Variants in PALM2AKAP2 observed in about 807,000 individuals in gnomAD.
PALM2AKAP2 encodes the protein PALM2-AKAP2 fusion protein.
Under a neutral mutation model 71.5 loss-of-function variants are expected in PALM2AKAP2, and 37 were observed. The observed-to-expected ratio is 0.52, with a 90% CI of 0.40 to 0.68. The LOEUF (loss-of-function observed/expected upper bound fraction) is 0.68. Among genes scored for constraint, PALM2AKAP2 ranks in the 30% least tolerant of loss-of-function variants. The pLI is 0.00. For missense variants in PALM2AKAP2, 1,224 were observed against 1,191.8 expected (o/e 1.03, Z -0.40); for synonymous variants, 468 against 478.8 (o/e 0.98, Z 0.29).
chr9:109,789,352 G>C (rs912717385), intron 1 of PALM2AKAP2, among the ~76,000 whole-genome samples: 10 of 152,148 alleles, frequency 6.6e-5, no homozygotes, highest in African/African-American at 1.4e-4. Context: ...CTTCTCACGT[G>C]GGCAACTCCA....
chr9:110,076,492 C>CATATATAT (rs149836822), intron 1 of PALM2AKAP2, among the ~76,000 whole-genome samples: 4,516 of 106,698 alleles, frequency 0.042, 868 homozygotes, highest in African/African-American at 0.19. Flanking sequence ...ATATATTCTA[C>CATATATAT]ATATATATAT....
intron 6 of PALM2AKAP2, among the ~76,000 whole-genome samples, chr9:109,964,034 C>T (rs1564236235): frequency 6.6e-6 from 1 of 152,214 alleles, no homozygotes; most frequent in Non-Finnish European, 1.5e-5. Flanking sequence ...CAAGAACTCA[C>T]AATTTGAACT....
At chr9:109,780,515 A>G (rs1246856579) in exon 1 of PALM2AKAP2, 1 of 1,613,666 alleles carries the variant, frequency 6.2e-7, no homozygotes, top group Non-Finnish European at 8.5e-7. Context: ...TGCACAAGGA[A>G]AGGCTGCAAG....
chr9:110,136,098 C>A, intron 1 of PALM2AKAP2, 29 bp from the exon 8 acceptor site: 1 of 1,535,386 alleles, frequency 6.5e-7, no homozygotes, highest in Non-Finnish European at 8.7e-7. Context: ...CAGTATTTAA[C>A]CCTGACTTTT....
intron 1 of PALM2AKAP2, among the ~76,000 whole-genome samples, chr9:109,840,113 T>C (rs568536663): frequency 2.2e-4 from 33 of 152,332 alleles, no homozygotes; most frequent in African/African-American, 6.7e-4. Flanking sequence ...GACTTCAAAC[T>C]ATACTACAAG....
At chr9:109,668,319 T>C (rs73526943) in intron 1 of PALM2AKAP2, among the ~76,000 whole-genome samples, 10,008 of 152,290 alleles carry the variant, frequency 0.066, 787 homozygotes, top group African/African-American at 0.19. Context: ...CTAATCTGTT[T>C]ATAAAACTGT....
rs1382973379 is a variant in PALM2AKAP2, at chr9:109,996,477, C to T, written c.497-19477C>T. Among the ~76,000 whole-genome samples the T allele has an allele frequency of 2.0e-5, 3 of 152,354 alleles. No homozygotes were observed. The East Asian group carries it at 5.8e-4, about 29-fold the overall frequency. Reference sequence around the variant, plus strand: ...ACTGGCACAGGCTAGCCAAAACAAACCATTTCCAAAATTAGTTTGGGCCTC... The same window carrying T: ...ACTGGCACAGGCTAGCCAAAACAAATCATTTCCAAAATTAGTTTGGGCCTC... On this transcript the variant is annotated intron_variant, in intron 6 of 9. Transcript: ENST00000302798.
intron 7 of PALM2AKAP2, among the ~76,000 whole-genome samples, chr9:110,041,815 A>C (rs1461627150): frequency 2.0e-5 from 3 of 152,224 alleles, no homozygotes; most frequent in Non-Finnish European, 2.9e-5. Context: ...TGGTTCCCAA[A>C]TCAGGCTGTC....
rs1043245647 is a variant in PALM2AKAP2 at position 109,877,670 on chromosome 9, CA to C, written c.127-2879del. 3.9e-5 allele frequency among the ~76,000 whole-genome samples: 6 copies of C among 152,328 alleles called. No homozygotes were observed. The East Asian group carries it at 1.2e-3, about 29-fold the overall frequency. On this transcript the variant is annotated intron_variant, in intron 2 of 9. Transcript: ENST00000302798. ...CTATAAACTCCTTTAATCCTCATAA[CA>C]ACCCTCTGAGCTGGGCACTGCTATT...
chr9:109,644,511 T>C (rs1827120010), intron 1 of PALM2AKAP2, among the ~76,000 whole-genome samples: 1 of 152,236 alleles, frequency 6.6e-6, no homozygotes. Flanking sequence ...TGATTCTCTT[T>C]GTCTGATGAG....
At chr9:109,872,486 C>G (rs1476452734) in intron 2 of PALM2AKAP2, among the ~76,000 whole-genome samples, 1 of 152,040 alleles carries the variant, frequency 6.6e-6, no homozygotes, top group Non-Finnish European at 1.5e-5. Context: ...CAGAGTTGGC[C>G]CTGTCAGAAT....
chr9:109,771,499 C>A (rs1046361555), intron 1 of PALM2AKAP2, among the ~76,000 whole-genome samples: 2 of 152,154 alleles, frequency 1.3e-5, no homozygotes, highest in African/African-American at 2.4e-5. Flanking sequence ...GAGCCTAAAA[C>A]AAAGGAGAAC....
At chr9:110,088,668 T>A (rs1834627284) in intron 1 of PALM2AKAP2, among the ~76,000 whole-genome samples, 1 of 145,562 alleles carries the variant, frequency 6.9e-6, no homozygotes, top group African/African-American at 2.5e-5. Flanking sequence ...CTCCAGCCAC[T>A]GGCCACAAGT....
chr9:109,716,931 T>G (rs1352360673), intron 1 of PALM2AKAP2, among the ~76,000 whole-genome samples: 1 of 152,162 alleles, frequency 6.6e-6, no homozygotes, highest in African/African-American at 2.4e-5. Flanking sequence ...CAGGGCTGGC[T>G]TGCCAGAAGG....
At chr9:109,847,485 TAATCCCAGCACC>T (rs1828892963) in intron 1 of PALM2AKAP2, among the ~76,000 whole-genome samples, 1 of 152,196 alleles carries the variant, frequency 6.6e-6, no homozygotes, top group South Asian at 2.1e-4. Flanking sequence ...CTCACGCCTG[TAATCCCAGCACC>T]TTGGGAGGCC....
At chr9:109,821,759 C>T (rs1003071844) in intron 1 of PALM2AKAP2, among the ~76,000 whole-genome samples, 8 of 152,180 alleles carry the variant, frequency 5.3e-5, no homozygotes, top group Non-Finnish European at 1.0e-4. Flanking sequence ...GCCCAAGGCT[C>T]CAGCCCTGCT....
chr9:109,857,423 C>A (rs917306505), intron 1 of PALM2AKAP2, among the ~76,000 whole-genome samples: 2 of 152,234 alleles, frequency 1.3e-5, no homozygotes, highest in African/African-American at 4.8e-5. Flanking sequence ...TCCAACACAG[C>A]CTTGACCTAT....
chr9:110,134,438 T>C (rs1000051006), intron 1 of PALM2AKAP2, among the ~76,000 whole-genome samples: 1 of 152,188 alleles, frequency 6.6e-6, no homozygotes, highest in African/African-American at 2.4e-5. Context: ...TGGAAGATGT[T>C]GACAAAAGAG....
chr9:110,119,954 T>A (rs1388554104), intron 1 of PALM2AKAP2, among the ~76,000 whole-genome samples: 1 of 152,222 alleles, frequency 6.6e-6, no homozygotes, highest in Non-Finnish European at 1.5e-5. Context: ...AGCAGTGGTA[T>A]TATGCCATTT....
Sources: gnomAD v4.1 joint callset for allele counts (sites outside exome capture counted in the v4.1 genomes callset) on GRCh38, gnomAD v4.1.1 for gene constraint, MANE v1.5 for transcripts, NCBI Gene and HGNC (gene_info 2026-07-23, HGNC 2026-07-21) for gene names.